Variants in CTNNA2 observed in about 807,000 individuals in gnomAD.
CTNNA2 encodes the protein catenin alpha-2.
In CTNNA2, 42 loss-of-function variants were observed where a neutral mutation model predicts 101.0. The ratio of observed to expected loss-of-function variants is 0.42; its 90% CI spans 0.32 to 0.54. The LOEUF (loss-of-function observed/expected upper bound fraction) is 0.54, where lower values mean the gene tolerates loss of function less well. CTNNA2 is among the 20% of genes least tolerant of loss of function. The pLI is 0.14. For missense variants in CTNNA2, 871 were observed against 1,223.1 expected (o/e 0.71, Z 4.29); for synonymous variants, 450 against 456.4 (o/e 0.99, Z 0.18).
At chr2:80,576,025 G>A (rs968787185) in intron 13 of CTNNA2, among the ~76,000 whole-genome samples, 3 of 152,104 alleles carry the variant, frequency 2.0e-5, no homozygotes, top group African/African-American at 7.2e-5. Flanking sequence ...TGTAATGATT[G>A]AGTCTACTTT....
chr2:80,607,368 A>T (rs1698116271), intron 16 of CTNNA2, among the ~76,000 whole-genome samples: 2 of 151,892 alleles, frequency 1.3e-5, no homozygotes, highest in African/African-American at 4.8e-5. Flanking sequence ...AGCCATTGGC[A>T]ATGAAGCCTC....
At chr2:79,609,290 C>T (rs868772726) in intron 1 of CTNNA2, among the ~76,000 whole-genome samples, 2 of 151,812 alleles carry the variant, frequency 1.3e-5, no homozygotes, top group African/African-American at 4.8e-5. Context: ...TATACGACAG[C>T]CAGTTATTTT....
intron 3 of CTNNA2, among the ~76,000 whole-genome samples, chr2:79,746,603 G>A (rs971266699): frequency 6.6e-6 from 1 of 152,074 alleles, no homozygotes; most frequent in Non-Finnish European, 1.5e-5. Context: ...CTATTGTAAA[G>A]TTTCCTAGAT....
At chr2:79,843,952 G>T (rs1396750656) in intron 3 of CTNNA2, among the ~76,000 whole-genome samples, 2 of 152,198 alleles carry the variant, frequency 1.3e-5, no homozygotes, top group African/African-American at 4.8e-5. Context: ...GCGAACATCA[G>T]CAGGCTAGGT....
intron 4 of CTNNA2, among the ~76,000 whole-genome samples, chr2:79,448,685 G>A (rs1678858097): frequency 6.6e-6 from 1 of 152,024 alleles, no homozygotes; most frequent in Non-Finnish European, 1.5e-5. Context: ...AAGAAAACCA[G>A]TATTCAGGCT....
At chr2:79,532,221 T>C (rs1382947945) in intron 1 of CTNNA2, among the ~76,000 whole-genome samples, 1 of 151,974 alleles carries the variant, frequency 6.6e-6, no homozygotes. Flanking sequence ...GCCCACTGGG[T>C]CTCAGAAAAT....
chr2:80,544,408 A>G (rs1691856826), intron 9 of CTNNA2, among the ~76,000 whole-genome samples: 1 of 152,106 alleles, frequency 6.6e-6, no homozygotes, highest in Non-Finnish European at 1.5e-5. Context: ...TTTACTATAT[A>G]TTCCGCCATT....
intron 1 of CTNNA2, among the ~76,000 whole-genome samples, chr2:79,598,671 G>T (rs1300638671): frequency 7.9e-5 from 12 of 152,092 alleles, no homozygotes; most frequent in African/African-American, 2.9e-4. Context: ...TTTTCTTGTT[G>T]AGTTTTAAGA....
chr2:79,674,749 C>G (rs1028868629), intron 2 of CTNNA2, among the ~76,000 whole-genome samples: 6 of 152,174 alleles, frequency 3.9e-5, no homozygotes, highest in African/African-American at 1.4e-4. Context: ...CTGTTATGTA[C>G]ACTAAGCTAT....
At chr2:80,097,592 G>T (rs560366802) in intron 7 of CTNNA2, among the ~76,000 whole-genome samples, 1 of 152,126 alleles carries the variant, frequency 6.6e-6, no homozygotes, top group Non-Finnish European at 1.5e-5. Flanking sequence ...ATAATATCCC[G>T]CAGAGTGTTT....
intron 7 of CTNNA2, among the ~76,000 whole-genome samples, chr2:80,147,364 G>A (rs1031755607): frequency 6.6e-6 from 1 of 152,126 alleles, no homozygotes; most frequent in Non-Finnish European, 1.5e-5. Context: ...GCCTCCCAAA[G>A]TGCTGGGATT....
At chr2:79,318,444 T>G (rs1391447784) in intron 3 of CTNNA2, among the ~76,000 whole-genome samples, 1 of 152,210 alleles carries the variant, frequency 6.6e-6, no homozygotes, top group Non-Finnish European at 1.5e-5. Context: ...GTTTAAAGCT[T>G]ACCAGGTTCC....
intron 7 of CTNNA2, among the ~76,000 whole-genome samples, chr2:80,146,823 C>T (rs1010997614): frequency 7.3e-6 from 1 of 137,516 alleles, no homozygotes; most frequent in Non-Finnish European, 1.5e-5. Context: ...CTACCAGGTT[C>T]AAGTGATTCT....
At chr2:79,945,828 G>A (rs772744236) in intron 7 of CTNNA2, among the ~76,000 whole-genome samples, 9 of 152,084 alleles carry the variant, frequency 5.9e-5, no homozygotes, top group Non-Finnish European at 1.3e-4. Context: ...AGAATCCAAT[G>A]GTCAAGACGG....
intron 9 of CTNNA2, among the ~76,000 whole-genome samples, chr2:80,490,623 C>T (rs1686988859): frequency 1.3e-5 from 2 of 152,168 alleles, no homozygotes; most frequent in South Asian, 2.1e-4. Context: ...TTAGATAATT[C>T]ACAGTAACCA....
chr2:80,488,569 A>G lies in CTNNA2; in HGVS notation c.1291-56413A>G, dbSNP rs182568088. ...TAGGCAAAGAGTTAAAATCAATGCT[A>G]TTTCCTACTTGGACAAACAAAATGA... On this transcript the variant is annotated intron_variant, in intron 9 of 18. Coordinates refer to ENST00000402739, the MANE Select transcript of CTNNA2 (RefSeq NM_001282597.3). Among the ~76,000 whole-genome samples, 244 of 152,322 alleles carry G rather than the reference A, an allele frequency of 1.6e-3. 3 individuals carry two copies. The highest frequency in any genetic ancestry group is 3.4e-3 in the Middle Eastern group (1 of 294).
chr2:79,938,638 A>C (rs1463950985), intron 7 of CTNNA2, among the ~76,000 whole-genome samples: 2 of 152,232 alleles, frequency 1.3e-5, no homozygotes, highest in Non-Finnish European at 2.9e-5. Context: ...TTGCATAAAG[A>C]CAAAGCATTT....
intron 3 of CTNNA2, among the ~76,000 whole-genome samples, chr2:79,317,239 C>T (rs956982397): frequency 3.3e-5 from 5 of 152,118 alleles, no homozygotes; most frequent in African/African-American, 9.6e-5. Flanking sequence ...AAACAAATCT[C>T]GCATTATTGG....
chr2:79,895,096 C>T (rs1019145281), intron 6 of CTNNA2, among the ~76,000 whole-genome samples: 1 of 152,122 alleles, frequency 6.6e-6, no homozygotes, highest in African/African-American at 2.4e-5. Context: ...CAGTGTTACA[C>T]AGAAAATCTA....
Sources: allele counts gnomAD v4.1 joint callset (sites outside exome capture counted in the v4.1 genomes callset), GRCh38; gene constraint gnomAD v4.1.1; transcripts MANE v1.5; gene names NCBI Gene and HGNC (gene_info 2026-07-23, HGNC 2026-07-21).